LIN54: variants seen among roughly 807,000 people sequenced by gnomAD.
LIN54 encodes protein lin-54 homolog.
A neutral mutation model predicts 78.7 loss-of-function variants in LIN54; 9 were observed. That is an observed-to-expected ratio of 0.11 (90% CI 0.07 to 0.20). The LOEUF is 0.20. Among genes scored for constraint, LIN54 ranks in the 10% least tolerant of loss-of-function variants. LIN54 has a pLI of 1.00. For synonymous variants in LIN54, 269 were observed against 318.4 expected (o/e 0.84, Z 1.65); for missense variants, 573 against 889.9 (o/e 0.64, Z 4.53).
At chr4:82,931,889 C>A (rs1294870442) in intron 11 of LIN54, among the ~76,000 whole-genome samples, 1 of 152,126 alleles carries the variant, frequency 6.6e-6, no homozygotes, top group Non-Finnish European at 1.5e-5. Flanking sequence ...TTCTATTTAA[C>A]AGCTAGGTGT....
rs536200331 is a variant in LIN54 at position 82,925,254 on chromosome 4, G to T, written c.*2848C>A. The T allele has an allele frequency of 2.5e-4, 38 of 152,384 alleles. No individual in the cohort carries two copies. Among genetic ancestry groups the T allele is most frequent in the Admixed American group, 1.3e-3 (20 of 15,306 alleles). The allele number at this position is 152,384 out of a possible 1,614,324, so 9.4% of individuals were successfully genotyped here. ...AGACAAGGTCTCACTCTGATTGCCAGGCTGGAGTGCAGTGGTGTAATTTTG... is the reference window on the plus strand; with the variant it reads ...AGACAAGGTCTCACTCTGATTGCCATGCTGGAGTGCAGTGGTGTAATTTTG... On this transcript the variant is annotated 3_prime_UTR_variant, in exon 13 of 13. Coordinates refer to ENST00000340417, the MANE Select transcript of LIN54 (RefSeq NM_194282.4).
At chr4:82,940,433 C>T (rs1722754922) in intron 5 of LIN54, among the ~76,000 whole-genome samples, 1 of 152,096 alleles carries the variant, frequency 6.6e-6, no homozygotes, top group African/African-American at 2.4e-5. Flanking sequence ...CTGTCTGTCA[C>T]CCAGGCTGGA....
chr4:82,948,867 G>C (rs1723618798), intron 4 of LIN54, among the ~76,000 whole-genome samples: 1 of 152,080 alleles, frequency 6.6e-6, no homozygotes, highest in Non-Finnish European at 1.5e-5. Flanking sequence ...TATTTTTCAA[G>C]GTTGAATAAT....
At chr4:82,990,735 C>T (rs1029966918) in intron 1 of LIN54, among the ~76,000 whole-genome samples, 2 of 151,998 alleles carry the variant, frequency 1.3e-5, no homozygotes, top group Admixed American at 6.6e-5. Context: ...CGCCCGCCTC[C>T]GCCTCCCAAA....
intron 4 of LIN54, among the ~76,000 whole-genome samples, chr4:82,961,702 C>A (rs1250198752): frequency 6.6e-6 from 1 of 152,188 alleles, no homozygotes. Flanking sequence ...CGCCTGTAAT[C>A]CCAGCACTGA....
intron 4 of LIN54, among the ~76,000 whole-genome samples, chr4:82,947,233 A>ATTTTTTTTTTTTT (rs1233101387): frequency 1.8e-4 from 3 of 16,858 alleles, no homozygotes; most frequent in Non-Finnish European, 2.8e-4. Flanking sequence ...ATATATATAT[A>ATTTTTTTTTTTTT]TATTTTTTTT....
intron 4 of LIN54, among the ~76,000 whole-genome samples, chr4:82,962,000 C>T (rs552803588): frequency 2.6e-5 from 4 of 151,676 alleles, no homozygotes; most frequent in Non-Finnish European, 5.9e-5. Flanking sequence ...TCCAACATTA[C>T]ACAAAGTATG....
At chr4:83,011,390 CTTAA>C (rs1258506726), upstream of LIN54, among the ~76,000 whole-genome samples, 1 of 152,148 alleles carries the variant, frequency 6.6e-6, no homozygotes, top group Non-Finnish European at 1.5e-5. Context: ...TCCTCTCCAA[CTTAA>C]TTTATCTGGT....
Position 82,977,103 on chromosome 4 carries a change from G to A in LIN54, c.808+1780C>T, listed in dbSNP as rs77432551. Among the ~76,000 whole-genome samples, 1,118 of 152,158 alleles carry A rather than the reference G, an allele frequency of 7.3e-3. 16 individuals carry two copies. Among genetic ancestry groups the A allele is most frequent in the Middle Eastern group, 0.01 (3 of 294 alleles). ...ACCAAAAATTCATTCAGACACTTCC[G>A]CGAACACCACAATTGTTTACCATAC... On this transcript the variant is annotated intron_variant, in intron 3 of 12. Coordinates refer to ENST00000340417, the MANE Select transcript of LIN54 (RefSeq NM_194282.4).
intron 4 of LIN54, among the ~76,000 whole-genome samples, chr4:82,952,077 T>C (rs1560738101): frequency 6.6e-6 from 1 of 152,158 alleles, no homozygotes; most frequent in Non-Finnish European, 1.5e-5. Context: ...CAATGATTTC[T>C]TGGATACAAC....
chr4:82,965,478 T>C (rs1333759868), intron 4 of LIN54, among the ~76,000 whole-genome samples: 1 of 152,170 alleles, frequency 6.6e-6, no homozygotes, highest in African/African-American at 2.4e-5. Context: ...CTTCCAGGCC[T>C]GGAGGCATAA....
chr4:82,953,560 T>TA (rs1724021615), intron 4 of LIN54, among the ~76,000 whole-genome samples: 1 of 152,020 alleles, frequency 6.6e-6, no homozygotes, highest in Non-Finnish European at 1.5e-5. Flanking sequence ...GCCAGGTGTT[T>TA]AAGACCAGCC....
At chr4:82,961,871 G>C (rs1014325940) in intron 4 of LIN54, among the ~76,000 whole-genome samples, 3 of 151,620 alleles carry the variant, frequency 2.0e-5, no homozygotes, top group African/African-American at 7.3e-5. Flanking sequence ...CAGGAGGATC[G>C]CTTGAACCCT....
At chr4:82,987,872 T>TTA (rs1727312104) in intron 1 of LIN54, among the ~76,000 whole-genome samples, 1 of 152,232 alleles carries the variant, frequency 6.6e-6, no homozygotes, top group Admixed American at 6.5e-5. Flanking sequence ...GTAGAATGAT[T>TTA]TATATTCCTT....
intron 5 of LIN54, among the ~76,000 whole-genome samples, chr4:82,943,861 A>ATT (rs35020887): frequency 0.016 from 2,089 of 128,216 alleles, 135 homozygotes; most frequent in African/African-American, 0.066. Flanking sequence ...GTCAATACTG[A>ATT]TTTTTTTTTT....
rs528409899 is a variant in LIN54, at chr4:83,000,827, C to CTTTTTTTCTTTTT, written c.-33+9656_-33+9657insAAAAAGAAAAAAA. ...GCCATCAAGCCCAAAGCAATAAATT[C>CTTTTTTTCTTTTT]TTTTTTTTTTTTTGGAGATAGAGTC... On this transcript the variant is annotated intron_variant, in intron 1 of 12. Transcript: ENST00000340417. Among the ~76,000 whole-genome samples, 97 of 120,534 alleles carry CTTTTTTTCTTTTT rather than the reference C, an allele frequency of 8.0e-4. 33 individuals are homozygous for CTTTTTTTCTTTTT. Among genetic ancestry groups the CTTTTTTTCTTTTT allele is most frequent in the Non-Finnish European group, 9.5e-4 (58 of 61,086 alleles). 79.1% of individuals were successfully genotyped at this position (120,534 alleles called of 152,430 possible).
chr4:82,994,091 A>G (rs1727982574), intron 1 of LIN54, among the ~76,000 whole-genome samples: 1 of 152,126 alleles, frequency 6.6e-6, no homozygotes, highest in Non-Finnish European at 1.5e-5. Context: ...CTTTAATATG[A>G]AAACTTTTCC....
chr4:83,002,389 G>GAGGAAGGAAGGA (rs1191516601), intron 1 of LIN54, among the ~76,000 whole-genome samples: 10 of 142,242 alleles, frequency 7.0e-5, no homozygotes, highest in African/African-American at 2.6e-4. Flanking sequence ...AAGGGTGAGG[G>GAGGAAGGAAGGA]AGGAAGGAAG....
At position 82,925,495 on chromosome 4, in the gene LIN54, TGA is replaced by T. The variant is rs1484627277; in HGVS notation, c.*2605_*2606del. 4 of 151,888 alleles carry T rather than the reference TGA, an allele frequency of 2.6e-5. No individual in the cohort carries two copies. Among genetic ancestry groups the T allele is most frequent in the African/African-American group, 7.3e-5 (3 of 40,968 alleles). The allele number at this position is 151,888 out of a possible 1,614,324, so 9.4% of individuals were successfully genotyped here. A position where few individuals can be genotyped will look rare whatever the true frequency, so the allele number is the denominator to read the frequency against. On this transcript the variant is annotated 3_prime_UTR_variant, in exon 13 of 13. Transcript: ENST00000340417. ...ACAGGCGTGAGCCACCATGCCCGGCTGAGTTTCTGCTCTTAAAAGAAACAGTG... is the reference window on the plus strand; with the variant it reads ...ACAGGCGTGAGCCACCATGCCCGGCTGTTTCTGCTCTTAAAAGAAACAGTG...
Sources: gnomAD v4.1 joint callset for allele counts (sites outside exome capture counted in the v4.1 genomes callset) on GRCh38, gnomAD v4.1.1 for gene constraint, MANE v1.5 for transcripts, NCBI Gene and HGNC (gene_info 2026-07-23, HGNC 2026-07-21) for gene names.